Variants in INSL6 observed in about 807,000 individuals in gnomAD.
INSL6 encodes the protein insulin like 6.
In INSL6, 16 loss-of-function variants were observed where a neutral mutation model predicts 9.4. That is an observed-to-expected ratio of 1.70 (90% CI 1.15 to 2.59). The LOEUF is 2.59. INSL6 is among the 30% of genes most tolerant of loss of function. The pLI, the probability that INSL6 is intolerant of heterozygous loss-of-function variation, is 0.00. For missense variants in INSL6, 391 were observed against 257.3 expected, an observed-to-expected ratio of 1.52 and a Z score of -3.56; for synonymous variants, 154 against 96.9, an observed-to-expected ratio of 1.59 and a Z score of -3.46.
At chr9:4,992,089 G>T in the INSL6 span, among the ~76,000 whole-genome samples, 3 of 152,206 alleles carry the variant, frequency 2.0e-5, no homozygotes, top group South Asian at 4.1e-4. Context: ...ACTAGGACAT[G>T]AGTTGGGAAG....
the INSL6 span, among the ~76,000 whole-genome samples, chr9:5,062,550 C>CAATAAAGG: frequency 9.3e-6 from 1 of 107,586 alleles, no homozygotes; most frequent in Non-Finnish European, 1.8e-5. Context: ...CTGCAAGGAG[C>CAATAAAGG]AATAAAGGGA....
chr9:5,060,975 A>T, the INSL6 span, among the ~76,000 whole-genome samples: 2 of 152,234 alleles, frequency 1.3e-5, no homozygotes, highest in East Asian at 3.8e-4. Context: ...ATCCTTGTAC[A>T]TCTCTGTCAG....
At chr9:4,995,875 TAA>T in the INSL6 span, among the ~76,000 whole-genome samples, 2 of 152,164 alleles carry the variant, frequency 1.3e-5, no homozygotes, top group African/African-American at 4.8e-5. Context: ...TGTGAAGTAT[TAA>T]GTTATTTTTT....
chr9:5,126,657 A>C (rs1824018456), intron 3 of INSL6: 1 of 1,500,138 alleles, frequency 6.7e-7, no homozygotes, highest in Non-Finnish European at 9.2e-7. Flanking sequence ...GTGTTCATTT[A>C]ATTTTGGTTT....
At chr9:5,160,176 CAA>C (rs567544530), downstream of INSL6, among the ~76,000 whole-genome samples, 275 of 83,522 alleles carry the variant, frequency 3.3e-3, 1 homozygote, top group African/African-American at 8.0e-3. Context: ...AACTCGGTCT[CAA>C]AAAAAAAAAA....
chr9:5,118,074 T>C, the INSL6 span, among the ~76,000 whole-genome samples: 2 of 152,358 alleles, frequency 1.3e-5, no homozygotes, highest in Middle Eastern at 3.4e-3. Flanking sequence ...CCTTTAAATG[T>C]GTCCAACTGA....
At chr9:5,034,364 T>C in the INSL6 span, among the ~76,000 whole-genome samples, 2 of 152,132 alleles carry the variant, frequency 1.3e-5, no homozygotes, top group East Asian at 1.9e-4. Context: ...TATCCAGGAA[T>C]TGAATTCAGC....
chr9:5,086,080 C>G, the INSL6 span: 2 of 654,282 alleles, frequency 3.1e-6, no homozygotes, highest in Non-Finnish European at 2.9e-6. Context: ...TGAGACAAGT[C>G]AAGTCCCTTC....
chr9:5,185,524 T>C lies in INSL6; in HGVS notation c.79A>G (p.Ser27Gly). 6.2e-7 allele frequency: 1 copy of C among 1,614,184 alleles called. No individual in the cohort carries two copies. The highest frequency in any genetic ancestry group is 8.5e-7 in the Non-Finnish European group (1 of 1,180,032). ...CTGCCGCACAGCTTCCTGGCACTGC[T>C]GATGTCGCTCAGTTCACGAGAAAAC... ...VRFSRELSDI[S>G]SARKLCGRYL... The change falls in exon 1 of 2, where the codon AGC becomes GGC. Residue 27 changes from serine to glycine, a missense_variant. Physicochemically the swap from Ser to Gly is moderately conservative, Grantham distance 56. Transcript: ENST00000381641.
the INSL6 span, among the ~76,000 whole-genome samples, chr9:5,071,843 C>T: frequency 6.6e-6 from 1 of 152,276 alleles, no homozygotes; most frequent in African/African-American, 2.4e-5. Context: ...TGAACACAAG[C>T]AGCCTTACTG....
At chr9:5,118,749 T>C in the INSL6 span, among the ~76,000 whole-genome samples, 1 of 152,326 alleles carries the variant, frequency 6.6e-6, no homozygotes, top group Admixed American at 6.5e-5. Context: ...TATGACGCCT[T>C]CTGAGATATG....
the INSL6 span, among the ~76,000 whole-genome samples, chr9:5,011,111 G>C: frequency 6.6e-6 from 1 of 152,154 alleles, no homozygotes; most frequent in East Asian, 1.9e-4. Context: ...GTATAGATTG[G>C]ATTCAGATGA....
the INSL6 span, among the ~76,000 whole-genome samples, chr9:5,060,171 A>C: frequency 1.3e-5 from 2 of 152,212 alleles, no homozygotes; most frequent in African/African-American, 4.8e-5. Context: ...TCCTAATGAT[A>C]ATCTGAGCCT....
intron 2 of INSL6, among the ~76,000 whole-genome samples, chr9:5,135,104 T>C (rs1460716807): frequency 6.6e-6 from 1 of 152,028 alleles, no homozygotes; most frequent in East Asian, 1.9e-4. Context: ...TATATAATGG[T>C]AAAGGGAATC....
intron 2 of INSL6, among the ~76,000 whole-genome samples, chr9:5,137,587 C>G (rs1056606629): frequency 6.6e-6 from 1 of 152,054 alleles, no homozygotes; most frequent in Non-Finnish European, 1.5e-5. Context: ...CAAAAATTAA[C>G]TCAAGATGGA....
chr9:5,126,068 G>C (rs1823974353), intron 3 of INSL6: 1 of 273,892 alleles, frequency 3.7e-6, no homozygotes, highest in African/African-American at 2.2e-5. Context: ...AAAACTCAAA[G>C]GAAATATGTT....
the INSL6 span, chr9:5,112,581 T>C: frequency 1.4e-6 from 1 of 715,266 alleles, no homozygotes; most frequent in Non-Finnish European, 2.3e-6. Context: ...TGCGGGTCCC[T>C]TAAGAGGGCT....
chr9:5,032,688 G>C, the INSL6 span, among the ~76,000 whole-genome samples: 999 of 152,290 alleles, frequency 6.6e-3, 10 homozygotes, highest in African/African-American at 0.023. Context: ...AGAGGGTCCT[G>C]ACTGTCAGAA....
chr9:5,100,684 G>T, the INSL6 span: 1 of 152,152 alleles, frequency 6.6e-6, no homozygotes, highest in African/African-American at 2.4e-5. Flanking sequence ...GCTCATCACA[G>T]CCTGATAGAA....
Sources: allele counts gnomAD v4.1 joint callset (sites outside exome capture counted in the v4.1 genomes callset), GRCh38; gene constraint gnomAD v4.1.1; transcripts MANE v1.5; gene names NCBI Gene and HGNC (gene_info 2026-07-23, HGNC 2026-07-21).